Variants in ANK2 observed in about 807,000 individuals in gnomAD.
ANK2 encodes the protein ankyrin 2.
A neutral mutation model predicts 360.5 loss-of-function variants in ANK2; 83 were observed. That is an observed-to-expected ratio of 0.23 (90% CI 0.19 to 0.28). The LOEUF (loss-of-function observed/expected upper bound fraction) is 0.28. Ranked by LOEUF, ANK2 falls within the 10% of genes least tolerant of loss-of-function variation. The pLI, the probability that ANK2 is intolerant of heterozygous loss-of-function variation, is 1.00. For missense variants in ANK2, 4,201 were observed against 4,795.7 expected (o/e 0.88, Z 3.66); for synonymous variants, 1,740 against 1,759.5 (o/e 0.99, Z 0.28).
At chr4:112,881,756 C>T (rs982001455) in intron 1 of ANK2, 5 of 655,544 alleles carry the variant, frequency 7.6e-6, no homozygotes, top group East Asian at 2.7e-5. Flanking sequence ...TCCATCACTT[C>T]GATTATTCAA....
intron 45 of ANK2, chr4:113,373,734 A>T: frequency 1.8e-6 from 1 of 558,112 alleles, no homozygotes; most frequent in Non-Finnish European, 3.4e-6. Flanking sequence ...TCCAAAAGTC[A>T]AATTTTGAAA....
chr4:112,894,436 A>T, intron 1 of ANK2, among the ~76,000 whole-genome samples: 1 of 152,208 alleles, frequency 6.6e-6, no homozygotes, highest in South Asian at 2.1e-4. Context: ...TTATTTTTAT[A>T]ATTTGAAAAC....
chr4:112,986,174 C>A lies in ANK2; in HGVS notation c.21+81660C>A, dbSNP rs187909817. Among the ~76,000 whole-genome samples, 810 of 150,516 alleles carry A rather than the reference C, an allele frequency of 5.4e-3. 3 individuals carry two copies. The highest frequency in any genetic ancestry group is 9.8e-3 in the Non-Finnish European group (666 of 67,810). On this transcript the variant is annotated intron_variant, in intron 2 of 30. Coordinates refer to the ANK2 transcript ENST00000503271. Reference sequence around the variant, plus strand: ...AAATCCAGGTAAGTTCAGTTTAACTCTCTAGTTTTTTTTTGATAATTGAGC... The same window carrying A: ...AAATCCAGGTAAGTTCAGTTTAACTATCTAGTTTTTTTTTGATAATTGAGC...
intron 1 of ANK2, among the ~76,000 whole-genome samples, chr4:112,885,005 G>T (rs1015281834): frequency 2.0e-5 from 3 of 151,984 alleles, no homozygotes; most frequent in African/African-American, 7.3e-5. Context: ...TCAGCATAGC[G>T]CTGGGCACAT....
the ANK2 span, among the ~76,000 whole-genome samples, chr4:112,785,613 C>T: frequency 1.3e-5 from 2 of 151,854 alleles, no homozygotes; most frequent in African/African-American, 2.4e-5. Flanking sequence ...CCTCGTGATC[C>T]ACCCGCCTTG....
chr4:113,353,725 C>T lies in ANK2; in HGVS notation c.5107C>T (p.Pro1703Ser), dbSNP rs747867539. The stretch of plus-strand genomic sequence containing the variant: ...CAAACCAAGCTTGGGAATAAAGAAG[C>T]CAGTAAGAAGGAAATTAAAAGAAAA... ...QHKPSLGIKKPVRRKLKEKQK... is the reference protein window; with the variant it reads ...QHKPSLGIKKSVRRKLKEKQK... The change falls in exon 38 of 46, where the codon CCA becomes TCA. Residue 1703 changes from proline to serine, a missense_variant. Physicochemically the swap from Pro to Ser is moderately conservative, Grantham distance 74 (BLOSUM62 -1). Around this residue, in one of 4 missense-constraint regions of ANK2, gnomAD observed 2,642 missense variants for 2,714.5 expected, o/e 0.97. Transcript: ENST00000357077. 1.2e-6 allele frequency: 2 copies of T among 1,613,442 alleles called. No individual in the cohort carries two copies. Among genetic ancestry groups the T allele is most frequent in the South Asian group, 2.2e-5 (2 of 91,016 alleles).
At chr4:112,836,987 G>C (rs1421855358) in intron 1 of ANK2, among the ~76,000 whole-genome samples, 1 of 152,186 alleles carries the variant, frequency 6.6e-6, no homozygotes, top group Non-Finnish European at 1.5e-5. Flanking sequence ...TAAGTAACAA[G>C]GAGCCAAATG....
At chr4:112,714,519 C>T in the ANK2 span, among the ~76,000 whole-genome samples, 2 of 152,162 alleles carry the variant, frequency 1.3e-5, no homozygotes, top group Non-Finnish European at 2.9e-5. Context: ...ATTTAAACAT[C>T]ATATGAAGCT....
At chr4:113,279,612 A>T (rs1473160813) in intron 17 of ANK2, among the ~76,000 whole-genome samples, 2 of 150,420 alleles carry the variant, frequency 1.3e-5, no homozygotes, top group Non-Finnish European at 3.0e-5. Flanking sequence ...ATATACTCAT[A>T]TGCCTATTTA....
Position 113,022,507 on chromosome 4 carries a change from G to A in ANK2, c.21+117993G>A, listed in dbSNP as rs2058393241. ...CTAGCATCTTAGTCGCATCCTGTAA[G>A]CACTTGATCATTGCCTGCCACTAGA... On this transcript the variant is annotated intron_variant, in intron 2 of 30. Transcript: ENST00000503271. Among the ~76,000 whole-genome samples, 3 of 152,222 alleles carry A rather than the reference G, an allele frequency of 2.0e-5. No individual in the cohort carries two copies. In the South Asian group the frequency reaches 6.2e-4, roughly 32 times the overall value.
intron 35 of ANK2, 182 bp from the exon 36 acceptor site, chr4:113,348,094 C>T: frequency 1.6e-6 from 1 of 625,360 alleles, no homozygotes; most frequent in Non-Finnish European, 2.8e-6. Context: ...GTACTTAAGC[C>T]AATCTTCTTT....
At chr4:113,048,742 G>A (rs1379816152), upstream of ANK2, among the ~76,000 whole-genome samples, 2 of 151,940 alleles carry the variant, frequency 1.3e-5, no homozygotes, top group African/African-American at 4.8e-5. Context: ...TCAGTCAATA[G>A]ACACAATTAG....
intron 1 of ANK2, among the ~76,000 whole-genome samples, chr4:112,883,018 C>CTTTTTTTTTTTTTT (rs536262490): frequency 6.6e-5 from 2 of 30,526 alleles, no homozygotes; most frequent in African/African-American, 1.0e-4. Flanking sequence ...CTTGGTTAGT[C>CTTTTTTTTTTTTTT]TTTTTTTTTT....
At chr4:113,053,532 T>C (rs1370989020) in intron 1 of ANK2, among the ~76,000 whole-genome samples, 8 of 152,172 alleles carry the variant, frequency 5.3e-5, no homozygotes, top group Admixed American at 5.2e-4. Flanking sequence ...CATTGGTAGC[T>C]ATGTGAAATG....
intron 2 of ANK2, among the ~76,000 whole-genome samples, chr4:112,954,261 A>ACCTT (rs1322664844): frequency 2.7e-5 from 3 of 110,600 alleles, no homozygotes; most frequent in African/African-American, 4.0e-5. Context: ...CTTCCTTCCT[A>ACCTT]CCTTCCTTCC....
At chr4:112,851,287 A>C (rs1197365004) in intron 1 of ANK2, among the ~76,000 whole-genome samples, 1 of 152,152 alleles carries the variant, frequency 6.6e-6, no homozygotes, top group Non-Finnish European at 1.5e-5. Context: ...AGGAGAGGAA[A>C]TCTCAGTGCT....
chr4:113,180,102 T>C (rs748858619), intron 2 of ANK2, among the ~76,000 whole-genome samples: 53 of 152,236 alleles, frequency 3.5e-4, no homozygotes, highest in Non-Finnish European at 6.5e-4. Context: ...ATATTAATGT[T>C]CCTCAAATAG....
intron 14 of ANK2, among the ~76,000 whole-genome samples, chr4:113,268,830 C>T (rs2057309564): frequency 6.6e-6 from 1 of 152,130 alleles, no homozygotes; most frequent in South Asian, 2.1e-4. Flanking sequence ...ATGGTACCAG[C>T]TCCTCTTTGT....
chr4:113,232,309 A>T (rs1379284245), intron 5 of ANK2, 50 bp downstream of exon 5: 1 of 1,336,868 alleles, frequency 7.5e-7, no homozygotes, highest in Non-Finnish European at 1.1e-6. Context: ...TAATGTCCAT[A>T]TTCTTTATAT....
Sources: allele counts gnomAD v4.1 joint callset (sites outside exome capture counted in the v4.1 genomes callset), GRCh38; gene constraint gnomAD v4.1.1; regional missense constraint gnomAD v4.1.1; transcripts MANE v1.5; gene names NCBI Gene and HGNC (gene_info 2026-07-23, HGNC 2026-07-21).